The following NRG3 variants were observed in gnomAD, a reference collection of about 807,000 sequenced individuals.
NRG3 encodes the protein pro-neuregulin-3, membrane-bound isoform.
In NRG3, 31 loss-of-function variants were observed where a neutral mutation model predicts 66.9. That is an observed-to-expected ratio of 0.46 (90% confidence interval 0.35 to 0.63). NRG3 has a LOEUF of 0.63. Ranked by LOEUF, NRG3 falls within the 20% of genes least tolerant of loss-of-function variation. The pLI is 0.00. For synonymous variants in NRG3, 393 were observed against 359.4 expected (o/e 1.09, Z -1.06); for missense variants, 910 against 878.9 (o/e 1.04, Z -0.45).
At chr10:82,358,960 G>A in intron 2 of NRG3, 92 bp downstream of exon 2, 7 of 1,549,734 alleles carry the variant, frequency 4.5e-6, no homozygotes, top group South Asian at 1.1e-5. Context: ...TGTCATATCC[G>A]GGATACACAC....
intron 1 of NRG3, among the ~76,000 whole-genome samples, chr10:82,120,755 G>C (rs1200251487): frequency 6.0e-5 from 9 of 150,818 alleles, no homozygotes; most frequent in African/African-American, 2.2e-4. Flanking sequence ...AGGTTTGCTT[G>C]GCATTTCTGT....
intron 1 of NRG3, among the ~76,000 whole-genome samples, chr10:82,002,046 C>A (rs1016139775): frequency 2.6e-5 from 4 of 152,142 alleles, no homozygotes; most frequent in African/African-American, 7.2e-5. Flanking sequence ...CCTTTTTGGA[C>A]AAACTAACTC....
chr10:82,686,408 C>A (rs368994512), intron 2 of NRG3, among the ~76,000 whole-genome samples: 1 of 151,890 alleles, frequency 6.6e-6, no homozygotes, highest in African/African-American at 2.4e-5. Flanking sequence ...GGCTGGTCTT[C>A]AACTCCTGAC....
chr10:82,922,399 G>T (rs962815440), intron 4 of NRG3, among the ~76,000 whole-genome samples: 2 of 152,082 alleles, frequency 1.3e-5, no homozygotes, highest in Non-Finnish European at 2.9e-5. Context: ...CAACTTTTTT[G>T]GTGCCTTTTA....
intron 2 of NRG3, among the ~76,000 whole-genome samples, chr10:82,544,214 G>C (rs1434388464): frequency 6.6e-6 from 1 of 152,104 alleles, no homozygotes; most frequent in African/African-American, 2.4e-5. Flanking sequence ...ATTTGTATTT[G>C]GGTATGAGTT....
chr10:82,875,145 T>C (rs1157996445), intron 4 of NRG3, among the ~76,000 whole-genome samples: 1 of 152,202 alleles, frequency 6.6e-6, no homozygotes, highest in African/African-American at 2.4e-5. Context: ...CAGACTGTGT[T>C]GAATGAAGTC....
intron 1 of NRG3, among the ~76,000 whole-genome samples, chr10:82,067,612 T>G (rs1266465563): frequency 6.6e-6 from 1 of 152,114 alleles, no homozygotes; most frequent in Non-Finnish European, 1.5e-5. Context: ...CCTCCCAAAG[T>G]GTTGGGATTA....
intron 1 of NRG3, among the ~76,000 whole-genome samples, chr10:81,967,937 G>A (rs1275865053): frequency 6.6e-6 from 1 of 152,096 alleles, no homozygotes; most frequent in African/African-American, 2.4e-5. Flanking sequence ...ACTTGCTCTT[G>A]GCAGCACTCC....
At chr10:82,537,821 G>A (rs1565042581) in intron 2 of NRG3, among the ~76,000 whole-genome samples, 2 of 152,110 alleles carry the variant, frequency 1.3e-5, no homozygotes, top group East Asian at 3.9e-4. Flanking sequence ...ATAAATCAAG[G>A]GGTTTAGACT....
chr10:82,678,843 G>A (rs746685161), intron 2 of NRG3, among the ~76,000 whole-genome samples: 6 of 152,146 alleles, frequency 3.9e-5, no homozygotes, highest in Non-Finnish European at 7.3e-5. Flanking sequence ...TCAGAAGAGT[G>A]TTGACAGGAT....
intron 1 of NRG3, among the ~76,000 whole-genome samples, chr10:82,070,836 T>C (rs1259283949): frequency 6.6e-6 from 1 of 152,190 alleles, no homozygotes; most frequent in East Asian, 1.9e-4. Flanking sequence ...TAACCCCCAT[T>C]GTTTATGTAA....
At chr10:82,776,983 C>A (rs1324304451) in intron 3 of NRG3, among the ~76,000 whole-genome samples, 3 of 152,060 alleles carry the variant, frequency 2.0e-5, no homozygotes, top group Admixed American at 2.0e-4. Flanking sequence ...TGTTCCCTTG[C>A]TTTTTCATGT....
intron 2 of NRG3, among the ~76,000 whole-genome samples, chr10:82,653,985 G>A (rs1196556058): frequency 6.6e-6 from 1 of 152,186 alleles, no homozygotes; most frequent in Non-Finnish European, 1.5e-5. Flanking sequence ...ACGAGACTCT[G>A]TGGCAGCCAA....
At chr10:82,023,268 C>CT (rs1207984202) in intron 1 of NRG3, among the ~76,000 whole-genome samples, 1 of 151,870 alleles carries the variant, frequency 6.6e-6, no homozygotes, top group Non-Finnish European at 1.5e-5. Context: ...TTGGTGGAGT[C>CT]TTTAAGTTTG....
At chr10:82,888,961 G>A (rs541559177) in intron 4 of NRG3, among the ~76,000 whole-genome samples, 2 of 152,148 alleles carry the variant, frequency 1.3e-5, no homozygotes, top group South Asian at 2.1e-4. Context: ...TGACTGGAGC[G>A]GAATGAGCAA....
chr10:82,821,237 T>C (rs2061940420), intron 3 of NRG3, among the ~76,000 whole-genome samples: 1 of 152,110 alleles, frequency 6.6e-6, no homozygotes, highest in African/African-American at 2.4e-5. Flanking sequence ...CAGAGTCACC[T>C]CCCCACTTCC....
At chr10:82,189,794 AAAAT>A (rs775635982) in intron 1 of NRG3, among the ~76,000 whole-genome samples, 5 of 151,160 alleles carry the variant, frequency 3.3e-5, no homozygotes, top group African/African-American at 1.2e-4. Flanking sequence ...TTCTCCATAA[AAAAT>A]AAATAAATAA....
chr10:82,125,819 T>C (rs925511962), intron 1 of NRG3, among the ~76,000 whole-genome samples: 2 of 152,062 alleles, frequency 1.3e-5, no homozygotes, highest in Non-Finnish European at 2.9e-5. Context: ...TGTAATTTTC[T>C]TTATCTTCAA....
In NRG3 at chr10:82,917,217, T is replaced by C. The variant is rs1845924772; in HGVS notation, c.1055-34252T>C. Among the ~76,000 whole-genome samples, 4 of 152,298 alleles carry C rather than the reference T, an allele frequency of 2.6e-5. No individual in the cohort carries two copies. In the South Asian group the frequency reaches 8.3e-4, roughly 32 times the overall value. The stretch of plus-strand genomic sequence containing the variant: ...AGAACTGAAATAATTACCGTGCAGT[T>C]TCCAATTCCATAATATCATGCCAGA... On this transcript the variant is annotated intron_variant, in intron 4 of 8. Coordinates refer to ENST00000372141, the MANE Select transcript of NRG3 (RefSeq NM_001010848.4).
Sources: gnomAD v4.1 joint callset for allele counts (sites outside exome capture counted in the v4.1 genomes callset) on GRCh38, gnomAD v4.1.1 for gene constraint, MANE v1.5 for transcripts, NCBI Gene and HGNC (gene_info 2026-07-23, HGNC 2026-07-21) for gene names.